CEACAM5: variants seen among roughly 807,000 people sequenced by gnomAD.
CEACAM5 encodes cell adhesion molecule CEACAM5.
In CEACAM5, 52 loss-of-function variants were observed where a neutral mutation model predicts 63.0. The ratio of observed to expected loss-of-function variants is 0.83; its 90% confidence interval spans 0.66 to 1.04. CEACAM5 has a LOEUF of 1.04. Among genes scored for constraint, CEACAM5 ranks in the 50% least tolerant of loss-of-function variants. The pLI is 0.00. For missense variants in CEACAM5, 790 were observed against 864.8 expected, an observed-to-expected ratio of 0.91 and a Z score of 1.08; for synonymous variants, 357 against 351.3, an observed-to-expected ratio of 1.02 and a Z score of -0.18.
At chr19:41,725,169 G>A (rs1290225631) in intron 8 of CEACAM5, among the ~76,000 whole-genome samples, 7 of 152,092 alleles carry the variant, frequency 4.6e-5, no homozygotes, top group African/African-American at 1.7e-4. Flanking sequence ...AAAGAATGGT[G>A]AATTTTGTCA....
intron 5 of CEACAM5, 151 bp from the exon 6 acceptor site, chr19:41,717,977 T>G: frequency 9.8e-7 from 1 of 1,022,418 alleles, no homozygotes; most frequent in Non-Finnish European, 1.5e-6. Context: ...GATGAATGTC[T>G]CAGACTCTGG....
In CEACAM5 at chr19:41,720,023, A is replaced by G; in HGVS notation, c.1586A>G (p.Asn529Ser). 6.2e-7 allele frequency: 1 copy of G among 1,614,250 alleles called. No individual in the cohort carries two copies. The highest frequency in any genetic ancestry group is 8.5e-7 in the Non-Finnish European group (1 of 1,180,052). Residue 529 changes from asparagine (N) to serine (S), a missense_variant, in exon 7 of 10, where the codon AAC becomes AGC. Asn to Ser is a conservative substitution (Grantham distance 46). Coordinates refer to ENST00000221992, the MANE Select transcript of CEACAM5 (RefSeq NM_004363.6). Reference protein sequence around the residue: ...VAFTCEPEAQNTTYLWWVNGQ... With the variant: ...VAFTCEPEAQSTTYLWWVNGQ... Reference sequence around the variant, plus strand: ...TTCACCTGTGAACCTGAGGCTCAGAACACAACCTACCTGTGGTGGGTAAAT... The same window carrying G: ...TTCACCTGTGAACCTGAGGCTCAGAGCACAACCTACCTGTGGTGGGTAAAT...
chr19:41,721,164 A>G lies in CEACAM5; in HGVS notation c.2014A>G (p.Ile672Val), dbSNP rs2072616049. 1.9e-6 allele frequency: 3 copies of G among 1,614,230 alleles called. No individual in the cohort carries two copies. The East Asian group carries it at 6.7e-5, about 36-fold the overall frequency. Residue 672 changes from isoleucine (I) to valine (V), a missense_variant, in exon 8 of 10, where the codon ATC becomes GTC. Coordinates refer to ENST00000221992, the MANE Select transcript of CEACAM5 (RefSeq NM_004363.6). ...CCGCAATAATTCCATAGTCAAGAGCATCACAGTCTCTGGTAAGTGGCTCCC... is the reference window on the plus strand; with the variant it reads ...CCGCAATAATTCCATAGTCAAGAGCGTCACAGTCTCTGGTAAGTGGCTCCC... ...TGRNNSIVKSITVSASGTSPG... is the reference protein window; with the variant it reads ...TGRNNSIVKSVTVSASGTSPG...
Position 41,715,712 on chromosome 19 carries a change from A to T in CEACAM5, c.766A>T (p.Asn256Tyr), listed in dbSNP as rs200945684. 922 of 1,614,154 alleles carry T rather than the reference A, an allele frequency of 5.7e-4. 11 individuals are homozygous for T. The highest frequency in any genetic ancestry group is 3.2e-5 in the Non-Finnish European group (38 of 1,180,032). ...NTSYRSGENL[N>Y]LSCHAASNPP... ...ATCTTACAGATCAGGGGAAAATCTG[A>T]ACCTCTCCTGCCACGCAGCCTCTAA... The change falls in exon 4 of 10, where the codon AAC becomes TAC. Residue 256 changes from asparagine to tyrosine, a missense_variant. Asn to Tyr is a moderately radical substitution (Grantham distance 143). Coordinates refer to ENST00000221992, the MANE Select transcript of CEACAM5 (RefSeq NM_004363.6).
Position 41,717,561 on chromosome 19 carries a change from G to C in CEACAM5, c.1065G>C (p.Leu355=), listed in dbSNP as rs1048443054. The C allele has an allele frequency of 5.6e-6, 9 of 1,614,224 alleles. No homozygotes were observed. Residue 355 remains leucine (L), a synonymous_variant, in exon 5 of 10, where the codon CTG becomes CTC. Transcript: ENST00000221992. ...CEPEIQNTTY[L]WWVNNQSLPV... ...CTGAGATTCAGAACACAACCTACCT[G>C]TGGTGGGTAAATAATCAGAGCCTCC...
intron 8 of CEACAM5, among the ~76,000 whole-genome samples, chr19:41,724,630 C>T (rs1358700971): frequency 6.6e-6 from 1 of 152,136 alleles, no homozygotes; most frequent in Non-Finnish European, 1.5e-5. Flanking sequence ...TTGATGTTGT[C>T]TTTAATTTCC....
intron 2 of CEACAM5, among the ~76,000 whole-genome samples, chr19:41,710,747 T>C (rs1476713470): frequency 1.3e-5 from 2 of 152,268 alleles, no homozygotes; most frequent in East Asian, 1.9e-4. Context: ...GGAGAGAAGA[T>C]GCTCCCGGCA....
intron 7 of CEACAM5, 93 bp from the exon 8 acceptor site, chr19:41,720,829 C>T: frequency 6.7e-7 from 1 of 1,495,160 alleles, no homozygotes; most frequent in Non-Finnish European, 9.2e-7. Flanking sequence ...AGGATTGGGA[C>T]AGGATTCAGA....
At position 41,715,867 on chromosome 19, in the gene CEACAM5, C is replaced by T. The variant is rs1242236940; in HGVS notation, c.921C>T (p.Gly307=). 1 of 1,614,044 alleles carries T rather than the reference C, an allele frequency of 6.2e-7. No homozygotes were observed. The highest frequency in any genetic ancestry group is 2.2e-5 in the East Asian group (1 of 44,900). The change falls in exon 4 of 10, where the codon GGC becomes GGT. Residue 307 remains glycine (G), a synonymous_variant. Transcript: ENST00000221992. ...YTCQAHNSDT[G]LNRTTVTTIT... is the part of the protein sequence containing the mutation. ...GCCAAGCCCATAACTCAGACACTGG[C>T]CTCAATAGGACCACAGTCACGACGA...
Position 41,730,281 on chromosome 19 carries a change from G to C in CEACAM5, c.*1134G>C, listed in dbSNP as rs915044679. On this transcript the variant is annotated 3_prime_UTR_variant, in exon 10 of 10. Coordinates refer to ENST00000221992, the MANE Select transcript of CEACAM5 (RefSeq NM_004363.6). ...TAAAAATACAAAAAAAGTTAGCCGGGCGTGGTGGTGGGGGCCTGTAGTCCC... is the reference window on the plus strand; with the variant it reads ...TAAAAATACAAAAAAAGTTAGCCGGCCGTGGTGGTGGGGGCCTGTAGTCCC... Among the ~76,000 whole-genome samples the C allele has an allele frequency of 2.0e-5, 3 of 152,082 alleles. No individual in the cohort carries two copies. The highest frequency in any genetic ancestry group is 3.2e-3 in the Middle Eastern group (1 of 316).
chr19:41,716,206 T>C (rs1270449258), intron 4 of CEACAM5, among the ~76,000 whole-genome samples: 2 of 152,240 alleles, frequency 1.3e-5, no homozygotes, highest in East Asian at 1.9e-4. Context: ...CAAGGTCAAG[T>C]TGCTTCTCTC....
chr19:41,714,164 G>A (rs2072481713), intron 2 of CEACAM5, among the ~76,000 whole-genome samples: 1 of 152,144 alleles, frequency 6.6e-6, no homozygotes, highest in African/African-American at 2.4e-5. Context: ...GCCATGAGCC[G>A]AGATCGTGCC....
At position 41,715,850 on chromosome 19, in the gene CEACAM5, C is replaced by T; in HGVS notation, c.904C>T (p.His302Tyr). The change falls in exon 4 of 10, where the codon CAT (histidine) becomes TAT (tyrosine). Residue 302 changes from histidine to tyrosine, a missense_variant. Coordinates refer to ENST00000221992, the MANE Select transcript of CEACAM5 (RefSeq NM_004363.6). ...NNSGSYTCQA[H>Y]NSDTGLNRTT... ...TAGTGGATCCTATACGTGCCAAGCC[C>T]ATAACTCAGACACTGGCCTCAATAG... The T allele has an allele frequency of 6.2e-7, 1 of 1,614,164 alleles. No individual in the cohort carries two copies. Among genetic ancestry groups the T allele is most frequent in the Non-Finnish European group, 8.5e-7 (1 of 1,180,024 alleles).
chr19:41,714,816 A>G (rs2072492810), intron 2 of CEACAM5, among the ~76,000 whole-genome samples, 155 bp from the exon 3 acceptor site: 1 of 152,154 alleles, frequency 6.6e-6, no homozygotes, highest in Non-Finnish European at 1.5e-5. Flanking sequence ...GAGATCTCAG[A>G]TCATCGTGCA....
At chr19:41,711,130 A>G (rs1361025132) in intron 2 of CEACAM5, among the ~76,000 whole-genome samples, 2 of 152,136 alleles carry the variant, frequency 1.3e-5, no homozygotes, top group South Asian at 2.1e-4. Flanking sequence ...GGGCATCCAC[A>G]GCTCAGAAGC....
At chr19:41,721,214 G>A in intron 8 of CEACAM5, 38 bp downstream of exon 8, 2 of 1,609,096 alleles carry the variant, frequency 1.2e-6, no homozygotes, top group Non-Finnish European at 1.7e-6. Flanking sequence ...CATATTCTGG[G>A]GTGGAGTCTA....
chr19:41,729,900 T>C lies in CEACAM5; in HGVS notation c.*753T>C, dbSNP rs1216057126. On this transcript the variant is annotated 3_prime_UTR_variant, in exon 10 of 10. Coordinates refer to ENST00000221992, the MANE Select transcript of CEACAM5 (RefSeq NM_004363.6). ...TAATATAGTTATTGCACAAGTTCAATAAAAATCTGCTCTTTGTATGACAGA... is the reference window on the plus strand; with the variant it reads ...TAATATAGTTATTGCACAAGTTCAACAAAAATCTGCTCTTTGTATGACAGA... 6.6e-6 allele frequency: 1 copy of C among 152,202 alleles called. No homozygotes were observed. Among genetic ancestry groups the C allele is most frequent in the Non-Finnish European group, 1.5e-5 (1 of 68,026 alleles). 9.4% of individuals were successfully genotyped at this position (152,202 alleles called of 1,614,324 possible).
rs2072575587 is a variant in CEACAM5 at position 41,719,089 on chromosome 19, G to A, written c.1492+707G>A. Among the ~76,000 whole-genome samples the A allele has an allele frequency of 2.6e-5, 4 of 152,178 alleles. No homozygotes were observed. The South Asian group carries it at 6.2e-4, about 24-fold the overall frequency. On this transcript the variant is annotated intron_variant, in intron 6 of 9. Transcript: ENST00000221992. ...CTGAAGTCACCGGCTGTATGAGATTGTGGGCACAGCACATGGGACACAGCA... is the reference window on the plus strand; with the variant it reads ...CTGAAGTCACCGGCTGTATGAGATTATGGGCACAGCACATGGGACACAGCA...
In CEACAM5 at chr19:41,715,289, C is replaced by T. The variant is rs369164921; in HGVS notation, c.703+40C>T. On this transcript the variant is annotated intron_variant, in intron 3 of 9. Transcript: ENST00000221992. The stretch of plus-strand genomic sequence containing the variant: ...TCCTCTCTGGCCCAGGCTGCCAGCC[C>T]AAATCCACAGGGCCAGAGGCAGGAT... 9.9e-5 allele frequency: 159 copies of T among 1,613,742 alleles called. No homozygotes were observed. The African/African-American group carries it at 1.8e-3, about 18-fold the overall frequency.
Sources: gnomAD v4.1 joint callset for allele counts (sites outside exome capture counted in the v4.1 genomes callset) on GRCh38, gnomAD v4.1.1 for gene constraint, MANE v1.5 for transcripts, NCBI Gene and HGNC (gene_info 2026-07-23, HGNC 2026-07-21) for gene names.